Variants in C10orf143 observed in about 807,000 individuals in gnomAD.
C10orf143 encodes the protein chromosome 10 open reading frame 143.
intron 1 of C10orf143, chr10:130,107,575 T>C (rs1564973255): frequency 1.5e-6 from 2 of 1,347,384 alleles, no homozygotes; most frequent in Middle Eastern, 1.8e-4. Context: ...ATACAGCATT[T>C]GGCAGAGAGC....
At chr10:130,104,787 G>A (rs1438964721) in intron 1 of C10orf143, 1 of 152,150 alleles carries the variant, frequency 6.6e-6, no homozygotes, top group African/African-American at 2.4e-5. Context: ...CATTCAGGGT[G>A]TCTTCCATTA....
chr10:130,093,272 G>T (rs147193702), intron 1 of C10orf143, among the ~76,000 whole-genome samples: 8 of 152,074 alleles, frequency 5.3e-5, no homozygotes, highest in Admixed American at 2.6e-4. Flanking sequence ...ACTCAAAACC[G>T]CACAACTACA....
rs550909443 is a variant in C10orf143 at position 130,044,454 on chromosome 10, G to T, written c.298-8484C>A. 1.4e-4 allele frequency among the ~76,000 whole-genome samples: 22 copies of T among 152,228 alleles called. No homozygotes were observed. In the South Asian group the frequency reaches 3.7e-3, roughly 26 times the overall value. On this transcript the variant is annotated intron_variant and NMD_transcript_variant, in intron 3 of 5. Coordinates refer to the C10orf143 transcript ENST00000643056. ...TTCTTCCTTCCTTCCACATCTACCTGCCAGGTAGGCTCTGCTCCAGCCAGG... is the reference window on the plus strand; with the variant it reads ...TTCTTCCTTCCTTCCACATCTACCTTCCAGGTAGGCTCTGCTCCAGCCAGG...
chr10:130,069,534 A>G (rs1397621720), intron 3 of C10orf143, among the ~76,000 whole-genome samples: 2 of 152,180 alleles, frequency 1.3e-5, no homozygotes, highest in Admixed American at 6.5e-5. Flanking sequence ...GTAAGAGTCT[A>G]TCTATTTTTG....
At chr10:130,048,490 A>T (rs900849106) in intron 3 of C10orf143, among the ~76,000 whole-genome samples, 5 of 152,104 alleles carry the variant, frequency 3.3e-5, no homozygotes, top group African/African-American at 9.7e-5. Context: ...CTGGGACACC[A>T]GGGTCCCTGC....
At chr10:130,046,046 G>A (rs1860666950) in intron 3 of C10orf143, among the ~76,000 whole-genome samples, 1 of 151,628 alleles carries the variant, frequency 6.6e-6, no homozygotes, top group Non-Finnish European at 1.5e-5. Context: ...GCGCGTGGTA[G>A]GGCTCAGGGC....
chr10:130,042,823 G>A (rs756059374), intron 3 of C10orf143, among the ~76,000 whole-genome samples: 3 of 152,306 alleles, frequency 2.0e-5, no homozygotes, highest in African/African-American at 4.8e-5. Flanking sequence ...GGGCCGTCAC[G>A]GCTTGGAGGA....
chr10:130,076,092 G>A (rs142073311), intron 3 of C10orf143, among the ~76,000 whole-genome samples: 4 of 151,368 alleles, frequency 2.6e-5, no homozygotes, highest in South Asian at 2.1e-4. Context: ...AGGTTCAAGC[G>A]ATTTTCCTGC....
At chr10:130,046,263 C>G (rs1035578783) in intron 3 of C10orf143, among the ~76,000 whole-genome samples, 3 of 151,836 alleles carry the variant, frequency 2.0e-5, no homozygotes, top group African/African-American at 7.3e-5. Context: ...GGACGGGACG[C>G]GGGGGCACGG....
At chr10:130,041,786 C>G (rs529403099) in intron 3 of C10orf143, among the ~76,000 whole-genome samples, 17 of 151,914 alleles carry the variant, frequency 1.1e-4, no homozygotes, top group African/African-American at 3.9e-4. Context: ...ACTTGTAGGA[C>G]TTTTATGTAT....
At chr10:130,038,722 A>C (rs1307094032) in intron 3 of C10orf143, among the ~76,000 whole-genome samples, 2 of 152,154 alleles carry the variant, frequency 1.3e-5, no homozygotes, top group African/African-American at 2.4e-5. Context: ...CTCCCTGGCT[A>C]ATGAACCTGG....
At chr10:130,101,770 G>C (rs1861554637) in intron 1 of C10orf143, among the ~76,000 whole-genome samples, 1 of 137,580 alleles carries the variant, frequency 7.3e-6, no homozygotes, top group African/African-American at 2.7e-5. Context: ...TGAGGCAGGA[G>C]AATCTCTTGA....
At chr10:130,049,067 A>G (rs543822236) in intron 3 of C10orf143, among the ~76,000 whole-genome samples, 2 of 152,244 alleles carry the variant, frequency 1.3e-5, no homozygotes, top group East Asian at 3.9e-4. Context: ...GCTGGCCCCT[A>G]GGACTCCGGG....
intron 1 of C10orf143, among the ~76,000 whole-genome samples, chr10:130,101,864 C>CAAAAAAAAACAAAAA (rs1564970414): frequency 4.1e-5 from 1 of 24,186 alleles, no homozygotes; most frequent in Non-Finnish European, 7.7e-5. Flanking sequence ...AAAAAAAAAA[C>CAAAAAAAAACAAAAA]CAAAAAAAAA....
intron 3 of C10orf143, among the ~76,000 whole-genome samples, chr10:130,053,470 G>A (rs762131534): frequency 6.6e-6 from 1 of 152,204 alleles, no homozygotes; most frequent in Non-Finnish European, 1.5e-5. Context: ...TATTCATTAA[G>A]GTTTTTGGGA....
intron 3 of C10orf143, among the ~76,000 whole-genome samples, chr10:130,036,619 G>A (rs778815169): frequency 5.9e-5 from 9 of 152,302 alleles, no homozygotes; most frequent in Middle Eastern, 3.4e-3. Context: ...TCCTGTAAGC[G>A]TCCTGCGTTT....
intron 1 of C10orf143, among the ~76,000 whole-genome samples, chr10:130,095,475 G>A (rs1041958325): frequency 1.4e-4 from 21 of 152,184 alleles, no homozygotes; most frequent in Admixed American, 7.9e-4. Context: ...AAAAGAGCCC[G>A]CATAGCCAAG....
chr10:130,108,338 C>A, intron 1 of C10orf143: 1 of 1,469,738 alleles, frequency 6.8e-7, no homozygotes. Context: ...TCCCCCAAGA[C>A]CTGGATTTTT....
chr10:130,088,393 A>T (rs949203580), intron 1 of C10orf143, among the ~76,000 whole-genome samples: 1 of 152,216 alleles, frequency 6.6e-6, no homozygotes, highest in South Asian at 2.1e-4. Flanking sequence ...TCAAAAAAAT[A>T]AATTATATAA....
Sources: gnomAD v4.1 joint callset for allele counts (sites outside exome capture counted in the v4.1 genomes callset) on GRCh38, gnomAD v4.1.1 for gene constraint, MANE v1.5 for transcripts, NCBI Gene and HGNC (gene_info 2026-07-23, HGNC 2026-07-21) for gene names.